FAM107B: variants seen among roughly 807,000 people sequenced by gnomAD.
FAM107B encodes the protein family with sequence similarity 107 member B.
FAM107B carries 21 observed loss-of-function variants against 31.5 expected under a neutral mutation model. That is an observed-to-expected ratio of 0.67 (90% CI 0.47 to 0.96). The LOEUF is 0.96. Ranked by LOEUF, FAM107B falls within the 40% of genes least tolerant of loss-of-function variation. The probability of loss-of-function intolerance (pLI) is 0.00; values close to 1 mark genes in which losing one functional copy is unlikely to be tolerated. For missense variants in FAM107B, 452 were observed against 377.1 expected (o/e 1.20, Z -1.64); for synonymous variants, 157 against 141.5 (o/e 1.11, Z -0.78).
chr10:14,764,145 T>C (rs1833114672), intron 1 of FAM107B, among the ~76,000 whole-genome samples: 1 of 152,254 alleles, frequency 6.6e-6, no homozygotes, highest in African/African-American at 2.4e-5. Context: ...AGTTTGCACT[T>C]TTACACGATC....
intron 2 of FAM107B, among the ~76,000 whole-genome samples, chr10:14,633,620 C>A (rs534235281): frequency 6.6e-6 from 1 of 152,286 alleles, no homozygotes. Context: ...ACTAAATTAG[C>A]TTTCATTAGA....
At chr10:14,572,397 C>T (rs949361248) in intron 2 of FAM107B, 1 of 985,370 alleles carries the variant, frequency 1.0e-6, no homozygotes, top group Non-Finnish European at 1.2e-6. Flanking sequence ...GTGAGTCAAC[C>T]TCCAATTGGA....
intron 1 of FAM107B, among the ~76,000 whole-genome samples, chr10:14,674,643 C>T (rs1854638582): frequency 6.6e-6 from 1 of 152,192 alleles, no homozygotes. Flanking sequence ...GTCTCGTTAA[C>T]TCCCCAAGCA....
intron 1 of FAM107B, among the ~76,000 whole-genome samples, chr10:14,716,368 C>T (rs1487455669): frequency 6.6e-6 from 1 of 152,206 alleles, no homozygotes; most frequent in African/African-American, 2.4e-5. Context: ...GGCAGCTGCT[C>T]ACCGGCTGTT....
At chr10:14,747,376 A>C (rs1229156268) in intron 1 of FAM107B, among the ~76,000 whole-genome samples, 3 of 151,992 alleles carry the variant, frequency 2.0e-5, no homozygotes, top group Admixed American at 6.5e-5. Flanking sequence ...AGGCACTCTC[A>C]TTTTTGAGTT....
Position 14,520,776 on chromosome 10 carries a change from A to G in FAM107B, c.*414T>C, listed in dbSNP as rs921642360. ...TGATCTCAATTATCTAACAGATAAC[A>G]AAAAGAGGAATTAAACACTTGTTTT... is the stretch of plus-strand genomic sequence containing the variant. On this transcript the variant is annotated 3_prime_UTR_variant, in exon 5 of 5. Coordinates refer to ENST00000181796, the MANE Select transcript of FAM107B (RefSeq NM_031453.4). The G allele has an allele frequency of 6.4e-6, 1 of 157,308 alleles. No homozygotes were observed. The allele number at this position is 157,308 out of a possible 1,614,324, so 9.7% of individuals were successfully genotyped here.
At chr10:14,670,540 CTT>C (rs990747105) in intron 1 of FAM107B, among the ~76,000 whole-genome samples, 2 of 152,190 alleles carry the variant, frequency 1.3e-5, no homozygotes, top group African/African-American at 4.8e-5. Flanking sequence ...GGGGAAGTCT[CTT>C]GAGAGGCCAA....
At chr10:14,630,535 T>TA (rs140802337) in intron 2 of FAM107B, among the ~76,000 whole-genome samples, 6,330 of 152,170 alleles carry the variant, frequency 0.042, 196 homozygotes, top group African/African-American at 0.089. Flanking sequence ...CTATGTTTTT[T>TA]AAAAAAATCA....
At chr10:14,529,446 A>G (rs1273564875) in intron 3 of FAM107B, 1 of 152,132 alleles carries the variant, frequency 6.6e-6, no homozygotes, top group African/African-American at 2.4e-5. Flanking sequence ...TGCCATAAAA[A>G]TGCCCCTTGA....
intron 1 of FAM107B, among the ~76,000 whole-genome samples, chr10:14,749,315 T>A (rs1832782959): frequency 6.6e-6 from 1 of 152,038 alleles, no homozygotes; most frequent in South Asian, 2.1e-4. Flanking sequence ...CTCTGAGGGG[T>A]GACTGCCGGA....
intron 1 of FAM107B, among the ~76,000 whole-genome samples, chr10:14,668,547 G>A (rs542993767): frequency 6.6e-6 from 1 of 152,234 alleles, no homozygotes; most frequent in Admixed American, 6.5e-5. Context: ...GGTTGTCACT[G>A]CCGTGACACT....
chr10:14,576,254 T>C (rs7078755), intron 2 of FAM107B, among the ~76,000 whole-genome samples: 104,566 of 152,052 alleles, frequency 0.69, 36,223 homozygotes, highest in East Asian at 0.89. Flanking sequence ...GTTGGCCACG[T>C]GCAGTGGCTC....
chr10:14,590,860 G>A (rs1354653348), intron 2 of FAM107B, among the ~76,000 whole-genome samples: 1 of 151,180 alleles, frequency 6.6e-6, no homozygotes, highest in Admixed American at 6.6e-5. Flanking sequence ...GTGGTAGCAC[G>A]TGCCTGTAAT....
chr10:14,594,460 C>T (rs907825635), intron 2 of FAM107B, among the ~76,000 whole-genome samples: 8 of 142,514 alleles, frequency 5.6e-5, no homozygotes, highest in African/African-American at 2.1e-4. Context: ...GCTATGGTGG[C>T]ACTGCTGCAC....
At chr10:14,599,962 A>C (rs922133082) in intron 2 of FAM107B, among the ~76,000 whole-genome samples, 8 of 152,208 alleles carry the variant, frequency 5.3e-5, no homozygotes, top group African/African-American at 1.9e-4. Context: ...TCACTTAAAA[A>C]CAAAAAGTCA....
chr10:14,547,447 A>G (rs1279122930), intron 2 of FAM107B, among the ~76,000 whole-genome samples: 3 of 152,182 alleles, frequency 2.0e-5, no homozygotes, highest in Non-Finnish European at 4.4e-5. Flanking sequence ...CTACAGAAGA[A>G]TATGTTCTAA....
At chr10:14,542,269 C>CAA (rs147609287) in intron 2 of FAM107B, among the ~76,000 whole-genome samples, 1,387 of 55,878 alleles carry the variant, frequency 0.025, 16 homozygotes, top group Non-Finnish European at 0.043. Context: ...GACTCCATCT[C>CAA]AAAAAAAAAA....
At chr10:14,763,001 G>A (rs1833087777) in intron 1 of FAM107B, among the ~76,000 whole-genome samples, 2 of 152,006 alleles carry the variant, frequency 1.3e-5, no homozygotes, top group Admixed American at 1.3e-4. Flanking sequence ...GGTGGCTCAT[G>A]CCTATAATCC....
intron 2 of FAM107B, among the ~76,000 whole-genome samples, chr10:14,638,240 C>G (rs950552159): frequency 6.6e-5 from 10 of 150,582 alleles, no homozygotes; most frequent in African/African-American, 1.5e-4. Flanking sequence ...TAACAATTAG[C>G]TGTGGATTTA....
Sources: allele counts gnomAD v4.1 joint callset (sites outside exome capture counted in the v4.1 genomes callset), GRCh38; gene constraint gnomAD v4.1.1; transcripts MANE v1.5; gene names NCBI Gene and HGNC (gene_info 2026-07-23, HGNC 2026-07-21).